Variants in CACNA1C observed in about 807,000 individuals in gnomAD.
CACNA1C encodes voltage-dependent L-type calcium channel subunit alpha-1C.
A neutral mutation model predicts 229.0 loss-of-function variants in CACNA1C; 30 were observed. That is an observed-to-expected ratio of 0.13 (90% CI 0.10 to 0.18). The LOEUF (loss-of-function observed/expected upper bound fraction) is 0.18, where lower values mean the gene tolerates loss of function less well. Ranked by LOEUF, CACNA1C falls within the 10% of genes least tolerant of loss-of-function variation. The probability of loss-of-function intolerance (pLI) is 1.00; values close to 1 mark genes in which losing one functional copy is unlikely to be tolerated. For missense variants in CACNA1C, 1,658 were observed against 2,845.0 expected (o/e 0.58, Z 9.49); for synonymous variants, 1,114 against 1,132.5 (o/e 0.98, Z 0.33).
At chr12:2,457,911 G>A (rs987744557) in intron 5 of CACNA1C, among the ~76,000 whole-genome samples, 1 of 152,166 alleles carries the variant, frequency 6.6e-6, no homozygotes, top group Non-Finnish European at 1.5e-5. Flanking sequence ...CCCAGCGCCT[G>A]GAAACTCCTG....
At chr12:2,018,717 G>C (rs1593782464) in intron 1 of CACNA1C, among the ~76,000 whole-genome samples, 1 of 152,156 alleles carries the variant, frequency 6.6e-6, no homozygotes, top group Non-Finnish European at 1.5e-5. Flanking sequence ...AGTTCAGTTG[G>C]CCAGTACCTG....
At chr12:2,599,273 T>C (rs2070561756) in intron 21 of CACNA1C, among the ~76,000 whole-genome samples, 1 of 152,178 alleles carries the variant, frequency 6.6e-6, no homozygotes, top group African/African-American at 2.4e-5. Flanking sequence ...AACACTCCCC[T>C]GTACCTCCTT....
intron 3 of CACNA1C, among the ~76,000 whole-genome samples, chr12:2,306,929 T>C (rs185513939): frequency 5.6e-4 from 86 of 152,340 alleles, no homozygotes; most frequent in Non-Finnish European, 1.1e-3. Flanking sequence ...GTAGCGTCCA[T>C]TGGCTGTCAG....
At chr12:2,409,257 G>C (rs569041970) in intron 3 of CACNA1C, among the ~76,000 whole-genome samples, 11 of 152,202 alleles carry the variant, frequency 7.2e-5, no homozygotes, top group Non-Finnish European at 1.3e-4. Flanking sequence ...TTTGGGTTCC[G>C]ACCTAGTTTT....
Position 2,649,336 on chromosome 12 carries a change from T to C in CACNA1C, c.3945+829T>C, listed in dbSNP as rs545839549. Among the ~76,000 whole-genome samples the C allele has an allele frequency of 9.2e-5, 14 of 152,218 alleles. No homozygotes were observed. The East Asian group carries it at 2.7e-3, about 29-fold the overall frequency. On this transcript the variant is annotated intron_variant, in intron 31 of 46. Coordinates refer to ENST00000399655, the MANE Select transcript of CACNA1C (RefSeq NM_000719.7). The surrounding 1 kb of genome is among the most constrained non-coding windows in gnomAD (Gnocchi z 4.4). ...AAGTATGAGTTTTTAGAAGGACCAG[T>C]GGGGTTGATTGACCAAGCCACCAAG... is the stretch of plus-strand genomic sequence containing the variant.
At chr12:2,563,081 G>A (rs1323266413) in intron 11 of CACNA1C, among the ~76,000 whole-genome samples, 3 of 152,038 alleles carry the variant, frequency 2.0e-5, no homozygotes, top group Admixed American at 2.0e-4. Context: ...GTATCCATGA[G>A]TTCAATTGCT....
At chr12:2,505,515 A>G (rs1466158138) in intron 8 of CACNA1C, among the ~76,000 whole-genome samples, 2 of 152,158 alleles carry the variant, frequency 1.3e-5, no homozygotes, top group Non-Finnish European at 2.9e-5. Context: ...AAGTGGTAGA[A>G]GTAACCGGGC....
rs1209756174 is a variant in CACNA1C, at chr12:2,115,522, C to T, written c.348C>T (p.Ala116=). 1.2e-6 allele frequency: 2 copies of T among 1,613,466 alleles called. No homozygotes were observed. Among genetic ancestry groups the T allele is most frequent in the Admixed American group, 3.3e-5 (2 of 60,036 alleles). Residue 116 remains alanine, a synonymous_variant, in exon 2 of 47, where the codon GCC becomes GCT. Coordinates refer to ENST00000399655, the MANE Select transcript of CACNA1C (RefSeq NM_000719.7). ...CCCTGAAGAACCCCATCCGGAGGGCCTGCATCAGCATTGTCGAATGGAAAT... is the reference window on the plus strand; with the variant it reads ...CCCTGAAGAACCCCATCCGGAGGGCTTGCATCAGCATTGTCGAATGGAAAT... ...CLTLKNPIRR[A]CISIVEWKPF... is the part of the protein sequence containing the mutation.
rs1008535506 is a variant in CACNA1C, at chr12:2,054,641, G to C, written c.49+1030G>C. Among the ~76,000 whole-genome samples the C allele has an allele frequency of 6.6e-6, 1 of 150,882 alleles. No homozygotes were observed. Among genetic ancestry groups the C allele is most frequent in the Non-Finnish European group, 1.5e-5 (1 of 67,998 alleles). On this transcript the variant is annotated intron_variant, in intron 1 of 46. Transcript: ENST00000399655. The surrounding 1 kb of genome is among the most constrained non-coding windows in gnomAD (Gnocchi z 5.5). ...GCATTTAAGGTTTTGGGGACGGGGG[G>C]TGCAGACAGGGTGGTCCAGCGGGGC... is the stretch of plus-strand genomic sequence containing the variant.
rs561605046 is a variant in CACNA1C at position 2,503,931 on chromosome 12, G to A, written c.1114-911G>A. ...CCTCTAACTTCCGGGCTTGGCCCAC[G>A]GTCCAGGTGGCCAAGGTTATCTTCT... is the stretch of plus-strand genomic sequence containing the variant. On this transcript the variant is annotated intron_variant, in intron 7 of 46. Coordinates refer to ENST00000399655, the MANE Select transcript of CACNA1C (RefSeq NM_000719.7). Among the ~76,000 whole-genome samples the A allele has an allele frequency of 5.3e-5, 8 of 152,310 alleles. No individual in the cohort carries two copies. The East Asian group carries it at 5.8e-4, about 11-fold the overall frequency.
intron 1 of CACNA1C, among the ~76,000 whole-genome samples, chr12:2,028,978 G>A (rs11062079): frequency 0.25 from 38,418 of 152,082 alleles, 5,634 homozygotes; most frequent in East Asian, 0.73. Flanking sequence ...GAGGATGACC[G>A]TGGTCATGGA....
intron 3 of CACNA1C, among the ~76,000 whole-genome samples, chr12:2,149,940 G>A (rs2095085574): frequency 6.6e-6 from 1 of 152,190 alleles, no homozygotes; most frequent in African/African-American, 2.4e-5. Flanking sequence ...GACTGGGCAG[G>A]AAGCAGGAAG....
intron 3 of CACNA1C, among the ~76,000 whole-genome samples, chr12:2,381,387 G>T (rs1256337277): frequency 2.6e-5 from 4 of 152,222 alleles, no homozygotes; most frequent in Non-Finnish European, 5.9e-5. Flanking sequence ...AACCTAACGT[G>T]TGTTGTCAGC....
At chr12:2,256,509 A>G (rs1012918795) in intron 3 of CACNA1C, among the ~76,000 whole-genome samples, 2 of 152,228 alleles carry the variant, frequency 1.3e-5, no homozygotes, top group Non-Finnish European at 2.9e-5. Context: ...TGTTTGGAAA[A>G]TAAATATAAA....
Position 2,348,621 on chromosome 12 carries a change from A to G in CACNA1C, c.478-100355A>G, listed in dbSNP as rs867450068. Among the ~76,000 whole-genome samples the G allele has an allele frequency of 5.9e-5, 9 of 152,054 alleles. No individual in the cohort carries two copies. Among genetic ancestry groups the G allele is most frequent in the African/African-American group, 1.9e-4 (8 of 41,428 alleles). On this transcript the variant is annotated intron_variant, in intron 3 of 46. Coordinates refer to ENST00000399655, the MANE Select transcript of CACNA1C (RefSeq NM_000719.7). This position sits in a 1 kb window ranked among gnomAD's most constrained non-coding sequence, Gnocchi z 4.7. ...GTTATGTTTAGAAGCCGTCCAGAGA[A>G]TGTTTGGCATGCTGAATATAAACTC...
intron 7 of CACNA1C, among the ~76,000 whole-genome samples, chr12:2,498,795 G>A (rs879469046): frequency 6.6e-6 from 1 of 152,210 alleles, no homozygotes; most frequent in Non-Finnish European, 1.5e-5. Flanking sequence ...TTGGGAGGCC[G>A]CAGAGACCTG....
chr12:2,404,230 C>T (rs1018620723), intron 3 of CACNA1C, among the ~76,000 whole-genome samples: 1 of 152,170 alleles, frequency 6.6e-6, no homozygotes, highest in Non-Finnish European at 1.5e-5. Context: ...TCAGCACTGC[C>T]GGAGCCCCAT....
At chr12:2,035,667 C>T (rs981950054) in intron 1 of CACNA1C, among the ~76,000 whole-genome samples, 3 of 152,240 alleles carry the variant, frequency 2.0e-5, no homozygotes, top group Admixed American at 2.0e-4. Flanking sequence ...ATATGTGCAC[C>T]TGCAGCCAGG....
rs1188161314 is a variant in CACNA1C, at chr12:2,666,989, T to C, written c.4623+207T>C. 6.6e-6 allele frequency among the ~76,000 whole-genome samples: 1 copy of C among 152,202 alleles called. No individual in the cohort carries two copies. Among genetic ancestry groups the C allele is most frequent in the Non-Finnish European group, 1.5e-5 (1 of 68,036 alleles). ...TCCTACTGAGCCAGGGACCCAGTCC[T>C]GGATAAAGGACTTGTTCAGTCCATC... On this transcript the variant is annotated intron_variant, in intron 37 of 46. Transcript: ENST00000399655. The surrounding 1 kb of genome is among the most constrained non-coding windows in gnomAD (Gnocchi z 5.3).
Sources: gnomAD v4.1 joint callset for allele counts (sites outside exome capture counted in the v4.1 genomes callset) on GRCh38, gnomAD v4.1.1 for gene constraint, Gnocchi (gnomAD v3.1) non-coding constraint, MANE v1.5 for transcripts, NCBI Gene and HGNC (gene_info 2026-07-23, HGNC 2026-07-21) for gene names.